The following SYNE1 variants were observed in gnomAD, a reference collection of about 807,000 sequenced individuals.
The protein encoded by SYNE1 is spectrin repeat containing nuclear envelope protein 1.
A neutral mutation model predicts 1,111.0 loss-of-function variants in SYNE1; 616 were observed. The ratio of observed to expected loss-of-function variants is 0.55; its 90% CI spans 0.52 to 0.59. SYNE1 has a LOEUF of 0.59. Ranked by LOEUF, SYNE1 falls within the 20% of genes least tolerant of loss-of-function variation. SYNE1 has a pLI of 0.00. For missense variants in SYNE1, 10,006 were observed against 10,417.0 expected, an observed-to-expected ratio of 0.96 and a Z score of 1.72; for synonymous variants, 3,855 against 3,825.8, an observed-to-expected ratio of 1.01 and a Z score of -0.28.
Position 152,284,420 on chromosome 6 carries a change from TAGGATCATCTGTAATACA to T in SYNE1, c.18013-266_18013-249del, listed in dbSNP as rs539682086. On this transcript the variant is annotated intron_variant, in intron 95 of 145. Coordinates refer to ENST00000367255, the MANE Select transcript of SYNE1 (RefSeq NM_182961.4). ...CTTAATTAATCTTTCTAGTTTTCAATAGGATCATCTGTAATACAAGGATCATCTGTAATACCAACTTAT... is the reference window on the plus strand; with the variant it reads ...CTTAATTAATCTTTCTAGTTTTCAATAGGATCATCTGTAATACCAACTTAT... 1.5e-3 allele frequency among the ~76,000 whole-genome samples: 226 copies of T among 152,262 alleles called. 1 individual carries two copies. Among genetic ancestry groups the T allele is most frequent in the Non-Finnish European group, 2.7e-3 (182 of 68,012 alleles).
rs181388179 is a variant in SYNE1, at chr6:152,528,314, A to C, written c.130-2139T>G. ...GCTGGCTGACTGACTGACTGAATGA[A>C]TGAATGAATGAATGTAAATATTGTG... On this transcript the variant is annotated intron_variant, in intron 4 of 145. Coordinates refer to ENST00000367255, the MANE Select transcript of SYNE1 (RefSeq NM_182961.4). Among the ~76,000 whole-genome samples, 340 of 149,734 alleles carry C rather than the reference A, an allele frequency of 2.3e-3. 2 individuals are homozygous for C. Among genetic ancestry groups the C allele is most frequent in the African/African-American group, 8.1e-3 (317 of 39,134 alleles).
At chr6:152,123,657 C>G (rs755139373) in intron 145 of SYNE1, among the ~76,000 whole-genome samples, 87 of 152,244 alleles carry the variant, frequency 5.7e-4, no homozygotes, top group Non-Finnish European at 1.1e-3. Context: ...TTACGACAGG[C>G]ATTTGGTGTA....
intron 6 of SYNE1, among the ~76,000 whole-genome samples, chr6:152,512,305 T>C (rs1024156752): frequency 6.6e-6 from 1 of 152,154 alleles, no homozygotes; most frequent in Non-Finnish European, 1.5e-5. Flanking sequence ...CTGGTATAGA[T>C]TACAAACTTG....
intron 110 of SYNE1, 145 bp from the exon 111 acceptor site, chr6:152,234,945 T>G: frequency 1.1e-6 from 1 of 916,310 alleles, no homozygotes; most frequent in Non-Finnish European, 1.7e-6. Context: ...CTCTGAAATT[T>G]TCTTCATATT....
chr6:152,174,708 A>G (rs2813504), intron 130 of SYNE1, among the ~76,000 whole-genome samples: 74,000 of 152,142 alleles, frequency 0.49, 19,962 homozygotes, highest in African/African-American at 0.73. Flanking sequence ...GCTGTGCCAC[A>G]CAATGTGTGC....
Position 152,461,588 on chromosome 6 carries a change from T to C in SYNE1, c.2394+9A>G. ...ACACAGCCTATTGTGCATTAAATTA[T>C]TTTCGCACCTTGGTTAGCTGCTCTT... On this transcript the variant is annotated intron_variant, in intron 21 of 145. Coordinates refer to ENST00000367255, the MANE Select transcript of SYNE1 (RefSeq NM_182961.4). 2.5e-6 allele frequency: 4 copies of C among 1,613,932 alleles called. No homozygotes were observed. Among genetic ancestry groups the C allele is most frequent in the Non-Finnish European group, 3.4e-6 (4 of 1,179,884 alleles).
intron 95 of SYNE1, among the ~76,000 whole-genome samples, chr6:152,291,409 G>A (rs1005273496): frequency 6.6e-6 from 1 of 151,650 alleles, no homozygotes; most frequent in Non-Finnish European, 1.5e-5. Context: ...ACTTAGAAAG[G>A]GAAAAAAAGT....
At chr6:152,484,038 C>CAAAAAAAAAAAAAAAAAAAAAAA (rs773019397) in intron 13 of SYNE1, among the ~76,000 whole-genome samples, 1 of 53,504 alleles carries the variant, frequency 1.9e-5, no homozygotes, top group Non-Finnish European at 4.1e-5. Flanking sequence ...CTCATCTCTA[C>CAAAAAAAAAAAAAAAAAAAAAAA]AAAAAAAAAA....
In SYNE1 at chr6:152,628,336, C is replaced by T; in HGVS notation, c.-5G>A. ...GGCCCCTCTGGAGGTTGCCATGGTC[C>T]CTCCGGAAGCACGAAGCCAACACCA... On this transcript the variant is annotated 5_prime_UTR_variant, in exon 3 of 146. Coordinates refer to ENST00000367255, the MANE Select transcript of SYNE1 (RefSeq NM_182961.4). The T allele has an allele frequency of 1.2e-6, 2 of 1,614,102 alleles. No individual in the cohort carries two copies. Among genetic ancestry groups the T allele is most frequent in the Non-Finnish European group, 1.7e-6 (2 of 1,180,008 alleles).
chr6:152,394,414 G>A (rs1417338678), intron 51 of SYNE1, among the ~76,000 whole-genome samples: 1 of 148,010 alleles, frequency 6.8e-6, no homozygotes, highest in Non-Finnish European at 1.5e-5. Flanking sequence ...AAGAGGACAG[G>A]TAATGAGCCC....
chr6:152,377,297 C>A (rs898662872), intron 56 of SYNE1, among the ~76,000 whole-genome samples: 8 of 151,860 alleles, frequency 5.3e-5, no homozygotes, highest in African/African-American at 1.9e-4. Flanking sequence ...AGAAAAGCAA[C>A]ACTTATTTTG....
At chr6:152,193,282 C>T (rs2073081140) in intron 127 of SYNE1, among the ~76,000 whole-genome samples, 2 of 152,102 alleles carry the variant, frequency 1.3e-5, no homozygotes, top group South Asian at 2.1e-4. Flanking sequence ...TATCTTAATA[C>T]ACATTATTTT....
intron 6 of SYNE1, among the ~76,000 whole-genome samples, chr6:152,516,745 ATTTG>A (rs200401178): frequency 3.3e-5 from 5 of 151,686 alleles, no homozygotes; most frequent in South Asian, 2.1e-4. Context: ...CATCTGGCTA[ATTTG>A]TTTGTTTGTT....
intron 145 of SYNE1, chr6:152,128,357 C>G (rs1326972734): frequency 6.6e-6 from 1 of 152,170 alleles, no homozygotes; most frequent in Non-Finnish European, 1.5e-5. Context: ...TAGGGAATCT[C>G]TAGATTCTGA....
At chr6:152,445,935 C>T (rs2098583443) in intron 29 of SYNE1, among the ~76,000 whole-genome samples, 1 of 151,932 alleles carries the variant, frequency 6.6e-6, no homozygotes, top group African/African-American at 2.4e-5. Context: ...ATAAATTATG[C>T]AGAAGTTTAA....
chr6:152,355,102 T>C, intron 66 of SYNE1, 126 bp from the exon 67 acceptor site: 1 of 1,014,404 alleles, frequency 9.9e-7, no homozygotes, highest in African/African-American at 1.6e-5. Context: ...TTTATTATTA[T>C]GCCCTATACA....
intron 84 of SYNE1, among the ~76,000 whole-genome samples, 174 bp downstream of exon 84, chr6:152,321,064 T>C (rs1298902855): frequency 6.6e-6 from 1 of 152,246 alleles, no homozygotes; most frequent in East Asian, 1.9e-4. Flanking sequence ...GTCATATCTA[T>C]GATCATCTTG....
rs978519585 is a variant in SYNE1, at chr6:152,302,242, C to T, written c.17347-179G>A. 18 of 806,916 alleles carry T rather than the reference C, an allele frequency of 2.2e-5. No homozygotes were observed. The African/African-American group carries it at 2.5e-4, about 11-fold the overall frequency. The allele number at this position is 806,916 out of a possible 1,614,324, so 50.0% of individuals were successfully genotyped here. ...CGCTACCGAGCCAGACCGCAGGCTG[C>T]GCGGCGCGGCGCAGGCACAGCCAAA... On this transcript the variant is annotated intron_variant, in intron 91 of 145. Transcript: ENST00000367255.
chr6:152,231,643 T>A, intron 113 of SYNE1, 76 bp from the exon 114 acceptor site: 1 of 1,431,806 alleles, frequency 7.0e-7, no homozygotes. Flanking sequence ...AAGCCTTAAG[T>A]AACCTTAATA....
Sources: gnomAD v4.1 joint callset for allele counts (sites outside exome capture counted in the v4.1 genomes callset) on GRCh38, gnomAD v4.1.1 for gene constraint, MANE v1.5 for transcripts, NCBI Gene and HGNC (gene_info 2026-07-23, HGNC 2026-07-21) for gene names.